Variants in CEMIP observed in about 807,000 individuals in gnomAD.
CEMIP encodes cell migration-inducing and hyaluronan-binding protein.
Under a neutral mutation model 156.9 loss-of-function variants are expected in CEMIP, and 105 were observed. The ratio of observed to expected loss-of-function variants is 0.67; its 90% CI spans 0.57 to 0.79. The LOEUF is 0.79. CEMIP is among the 30% of genes least tolerant of loss of function. The pLI is 0.00. For synonymous variants in CEMIP, 676 were observed against 668.4 expected (o/e 1.01, Z -0.17); for missense variants, 1,457 against 1,769.4 (o/e 0.82, Z 3.17).
intron 1 of CEMIP, among the ~76,000 whole-genome samples, chr15:80,857,398 G>A (rs1385981269): frequency 1.3e-5 from 2 of 152,198 alleles, no homozygotes; most frequent in Non-Finnish European, 2.9e-5. Flanking sequence ...AGGGCCCCCA[G>A]CTCTTTGAGG....
intron 21 of CEMIP, among the ~76,000 whole-genome samples, chr15:80,930,615 C>G (rs576565813): frequency 6.6e-6 from 1 of 152,218 alleles, no homozygotes; most frequent in South Asian, 2.1e-4. Flanking sequence ...AATCAGGATT[C>G]TAGATCATGA....
intron 8 of CEMIP, among the ~76,000 whole-genome samples, chr15:80,888,336 G>C (rs77257358): frequency 2.3e-3 from 349 of 152,060 alleles, no homozygotes; most frequent in African/African-American, 8.2e-3. Flanking sequence ...TAAAAAAAAA[G>C]AGCTAAAGCG....
In CEMIP at chr15:80,906,604, C is replaced by T; in HGVS notation, c.1412-59C>T. The stretch of plus-strand genomic sequence containing the variant: ...GCCATGGAGGCACCTGGCAGGGGCC[C>T]AGAACTCAGTGGGCATGCAGTACCT... On this transcript the variant is annotated intron_variant, in intron 12 of 29. Coordinates refer to ENST00000394685, the MANE Select transcript of CEMIP (RefSeq NM_001293298.2). The surrounding 1 kb of genome is among the most constrained non-coding windows in gnomAD (Gnocchi z 4.3). The T allele has an allele frequency of 1.3e-6, 2 of 1,555,620 alleles. No homozygotes were observed. The highest frequency in any genetic ancestry group is 1.2e-5 in the South Asian group (1 of 82,654).
chr15:80,857,469 G>C (rs555650238), intron 1 of CEMIP, among the ~76,000 whole-genome samples: 1 of 152,294 alleles, frequency 6.6e-6, no homozygotes, highest in Admixed American at 6.5e-5. Context: ...GCTTCCCAGG[G>C]GAAAGGAAGG....
chr15:80,949,327 TG>T lies in CEMIP; in HGVS notation c.*405del. On this transcript the variant is annotated 3_prime_UTR_variant, in exon 30 of 30. Coordinates refer to ENST00000394685, the MANE Select transcript of CEMIP (RefSeq NM_001293298.2). ...AGGGCTGGTCATTCACAGATCCCCA[TG>T]GTCTTCAGCAGACAAGTGAGGGTGG... 1 of 341,126 alleles carries T rather than the reference TG, an allele frequency of 2.9e-6. No individual in the cohort carries two copies. Among genetic ancestry groups the T allele is most frequent in the Non-Finnish European group, 5.8e-6 (1 of 173,594 alleles). 21.1% of individuals were successfully genotyped at this position (341,126 alleles called of 1,614,324 possible).
In CEMIP at chr15:80,889,534, T is replaced by C; in HGVS notation, c.1028T>C (p.Ile343Thr). The C allele has an allele frequency of 6.2e-7, 1 of 1,614,098 alleles. No homozygotes were observed. Among genetic ancestry groups the C allele is most frequent in the Admixed American group, 1.7e-5 (1 of 60,012 alleles). Residue 343 changes from isoleucine to threonine, a missense_variant, in exon 10 of 30, where the codon ATT (isoleucine) becomes ACT (threonine). By Grantham distance (89) the Ile-to-Thr change is moderately conservative (BLOSUM62 -1). Transcript: ENST00000394685. ...KVSQTKGGEKISDLWKAHPGK... is the reference protein window; with the variant it reads ...KVSQTKGGEKTSDLWKAHPGK... Reference sequence around the variant, plus strand: ...TCTCAGACTAAAGGTGGGGAGAAAATTTCAGACCTCTGGAAAGCTCACCCA... The same window carrying C: ...TCTCAGACTAAAGGTGGGGAGAAAACTTCAGACCTCTGGAAAGCTCACCCA...
chr15:80,837,254 T>C (rs1433782963), intron 1 of CEMIP, among the ~76,000 whole-genome samples: 1 of 152,156 alleles, frequency 6.6e-6, no homozygotes, highest in African/African-American at 2.4e-5. Flanking sequence ...AGTGATGTCA[T>C]ACCAGATTCC....
intron 11 of CEMIP, among the ~76,000 whole-genome samples, 167 bp from the exon 12 acceptor site, chr15:80,895,702 C>T (rs561155602): frequency 6.6e-6 from 1 of 152,222 alleles, no homozygotes; most frequent in South Asian, 2.1e-4. Context: ...TTTTTGTTGA[C>T]TTCAAAAACC....
intron 1 of CEMIP, among the ~76,000 whole-genome samples, chr15:80,814,267 T>C (rs1896739667): frequency 6.6e-6 from 1 of 151,948 alleles, no homozygotes; most frequent in African/African-American, 2.4e-5. Context: ...GCCAGGATGG[T>C]CTCGATCTCC....
At chr15:80,882,175 C>G (rs1339430704) in intron 6 of CEMIP, among the ~76,000 whole-genome samples, 1 of 152,214 alleles carries the variant, frequency 6.6e-6, no homozygotes, top group Non-Finnish European at 1.5e-5. Context: ...GAAGTGCTTG[C>G]TGGTGCTCAC....
chr15:80,816,946 T>C (rs1383768522), intron 1 of CEMIP, among the ~76,000 whole-genome samples: 1 of 152,184 alleles, frequency 6.6e-6, no homozygotes, highest in Non-Finnish European at 1.5e-5. Flanking sequence ...ATCTTATTTA[T>C]ATGCCTGAAC....
rs529961110 is a variant in CEMIP at position 80,876,161 on chromosome 15, C to T, written c.94+2188C>T. ...TCCTCAGTTGGCCATATATGTTCCCCGCGTGGCTGGGAATTCACCACCTTG... is the reference window on the plus strand; with the variant it reads ...TCCTCAGTTGGCCATATATGTTCCCTGCGTGGCTGGGAATTCACCACCTTG... On this transcript the variant is annotated intron_variant, in intron 3 of 29. Coordinates refer to ENST00000394685, the MANE Select transcript of CEMIP (RefSeq NM_001293298.2). Among the ~76,000 whole-genome samples the T allele has an allele frequency of 4.6e-5, 7 of 152,204 alleles. No individual in the cohort carries two copies. The South Asian group carries it at 1.0e-3, about 22-fold the overall frequency.
chr15:80,924,785 T>C, intron 18 of CEMIP, 79 bp downstream of exon 18: 1 of 1,211,354 alleles, frequency 8.3e-7, no homozygotes, highest in Non-Finnish European at 1.2e-6. Context: ...AATCACTCAT[T>C]CATTCCCTGA....
At chr15:80,840,161 C>T (rs945032812) in intron 1 of CEMIP, among the ~76,000 whole-genome samples, 1 of 152,090 alleles carries the variant, frequency 6.6e-6, no homozygotes, top group Non-Finnish European at 1.5e-5. Context: ...GGAGGGTGGC[C>T]CCAGAAGACC....
At chr15:80,915,730 C>T (rs543815368) in intron 14 of CEMIP, among the ~76,000 whole-genome samples, 126 of 152,312 alleles carry the variant, frequency 8.3e-4, no homozygotes, top group African/African-American at 2.8e-3. Flanking sequence ...CTCCTCCCCA[C>T]CTCTCCTGGG....
intron 6 of CEMIP, 61 bp downstream of exon 6, chr15:80,881,197 C>T (rs1223773305): frequency 7.5e-6 from 11 of 1,462,418 alleles, no homozygotes; most frequent in South Asian, 1.1e-5. Context: ...ATTGAGTGTG[C>T]TCCCTGGCCA....
intron 5 of CEMIP, 88 bp from the exon 6 acceptor site, chr15:80,880,812 C>T: frequency 9.4e-7 from 1 of 1,063,454 alleles, no homozygotes; most frequent in Non-Finnish European, 1.5e-6. Flanking sequence ...GGTCAGGGAG[C>T]TGAGCTGTGA....
In CEMIP at chr15:80,881,059, T is replaced by C; in HGVS notation, c.540T>C (p.Phe180=). 1 of 1,614,206 alleles carries C rather than the reference T, an allele frequency of 6.2e-7. No individual in the cohort carries two copies. The highest frequency in any genetic ancestry group is 1.3e-5 in the African/African-American group (1 of 75,064). The change falls in exon 6 of 30, where the codon TTT becomes TTC. Residue 180 remains phenylalanine (F), a synonymous_variant. Coordinates refer to ENST00000394685, the MANE Select transcript of CEMIP (RefSeq NM_001293298.2). ...GCATGGCAGAAGGAGGCTATTTTTT[T>C]GAAAGGAGCTGGGGCCACCGTGGAG... ...PGGMAEGGYF[F]ERSWGHRGVI...
intron 29 of CEMIP, 33 bp downstream of exon 29, chr15:80,947,098 C>T (rs1335209143): frequency 7.0e-7 from 1 of 1,419,264 alleles, no homozygotes; most frequent in East Asian, 2.3e-5. Context: ...AAACTGACCC[C>T]AAAACCAGAG....
Sources: gnomAD v4.1 joint callset for allele counts (sites outside exome capture counted in the v4.1 genomes callset) on GRCh38, gnomAD v4.1.1 for gene constraint, Gnocchi (gnomAD v3.1) non-coding constraint, MANE v1.5 for transcripts, NCBI Gene and HGNC (gene_info 2026-07-23, HGNC 2026-07-21) for gene names.